Variants in ADAMTS17 observed in about 807,000 individuals in gnomAD.
ADAMTS17 encodes the protein A disintegrin and metalloproteinase with thrombospondin motifs 17.
A neutral mutation model predicts 141.5 loss-of-function variants in ADAMTS17; 113 were observed. That is an observed-to-expected ratio of 0.80 (90% CI 0.69 to 0.93). The LOEUF (loss-of-function observed/expected upper bound fraction) is 0.93. ADAMTS17 is among the 40% of genes least tolerant of loss of function. The probability of loss-of-function intolerance (pLI) is 0.00; values close to 1 mark genes in which losing one functional copy is unlikely to be tolerated. For missense variants in ADAMTS17, 1,659 were observed against 1,517.9 expected (o/e 1.09, Z -1.54); for synonymous variants, 768 against 630.6 (o/e 1.22, Z -3.27).
chr15:100,286,098 T>C (rs1375169472), intron 3 of ADAMTS17, among the ~76,000 whole-genome samples: 3 of 151,968 alleles, frequency 2.0e-5, no homozygotes, highest in African/African-American at 7.3e-5. Context: ...CAGACCAGCC[T>C]CCACCGACGC....
At position 100,332,651 on chromosome 15, in the gene ADAMTS17, G is replaced by A. The variant is rs148566608; in HGVS notation, c.451-1597C>T. On this transcript the variant is annotated intron_variant, in intron 2 of 21. Transcript: ENST00000268070. ...GCTGATACAAATTTTTAAAGACAGG[G>A]AGATCTCACCTTGGTGAGAAATCCT... Among the ~76,000 whole-genome samples, 273 of 152,358 alleles carry A rather than the reference G, an allele frequency of 1.8e-3. 2 individuals carry two copies. Among genetic ancestry groups the A allele is most frequent in the Middle Eastern group, 6.8e-3 (2 of 294 alleles).
chr15:100,280,510 C>T (rs1380266944), intron 4 of ADAMTS17, among the ~76,000 whole-genome samples: 1 of 152,178 alleles, frequency 6.6e-6, no homozygotes, highest in Non-Finnish European at 1.5e-5. Flanking sequence ...TGCTCCCCTC[C>T]CCTTCAGTGG....
At chr15:100,167,870 G>A (rs934911555) in intron 8 of ADAMTS17, among the ~76,000 whole-genome samples, 2 of 152,172 alleles carry the variant, frequency 1.3e-5, no homozygotes, top group African/African-American at 4.8e-5. Flanking sequence ...AAAGCACTGA[G>A]CTCTTTTGAA....
At chr15:100,237,642 G>T (rs2042700314) in intron 7 of ADAMTS17, among the ~76,000 whole-genome samples, 1 of 151,666 alleles carries the variant, frequency 6.6e-6, no homozygotes, top group Non-Finnish European at 1.5e-5. Context: ...TGTTTTTTTT[G>T]AGACAGAGTC....
At chr15:100,105,402 C>T (rs1165631965) in intron 14 of ADAMTS17, among the ~76,000 whole-genome samples, 1 of 152,164 alleles carries the variant, frequency 6.6e-6, no homozygotes, top group Middle Eastern at 3.2e-3. Flanking sequence ...ATGATGATGA[C>T]AATGGTGGAG....
At chr15:100,290,246 C>T (rs898478842) in intron 3 of ADAMTS17, among the ~76,000 whole-genome samples, 2 of 152,018 alleles carry the variant, frequency 1.3e-5, no homozygotes, top group African/African-American at 4.8e-5. Flanking sequence ...TCAATGCAAT[C>T]CCACTAACAA....
rs531167413 is a variant in ADAMTS17, at chr15:100,312,547, A to G, written c.616+18342T>C. Among the ~76,000 whole-genome samples the G allele has an allele frequency of 2.6e-5, 4 of 152,364 alleles. No homozygotes were observed. In the East Asian group the frequency reaches 5.8e-4, roughly 22 times the overall value. On this transcript the variant is annotated intron_variant, in intron 3 of 21. Coordinates refer to ENST00000268070, the MANE Select transcript of ADAMTS17 (RefSeq NM_139057.4). ...TTTGTGGTAATTTGTTAGAGCGGTA[A>G]TAAGAAAGTAATGCCTGAGTCTTGC...
intron 17 of ADAMTS17, among the ~76,000 whole-genome samples, chr15:100,050,366 C>T (rs1038405569): frequency 6.6e-6 from 1 of 152,160 alleles, no homozygotes; most frequent in African/African-American, 2.4e-5. Context: ...GATGTGTCAG[C>T]TGGATTTGGA....
At chr15:100,269,742 C>T (rs2043840154) in intron 4 of ADAMTS17, among the ~76,000 whole-genome samples, 1 of 152,172 alleles carries the variant, frequency 6.6e-6, no homozygotes, top group African/African-American at 2.4e-5. Context: ...GCATGACCAG[C>T]CCTCACTCCT....
chr15:100,029,893 G>C (rs2029962203), intron 18 of ADAMTS17, among the ~76,000 whole-genome samples: 2 of 152,208 alleles, frequency 1.3e-5, no homozygotes, highest in Non-Finnish European at 2.9e-5. Context: ...GCCCTAGCTA[G>C]AAATGTAAGT....
intron 14 of ADAMTS17, among the ~76,000 whole-genome samples, chr15:100,100,936 T>TC (rs1359881819): frequency 3.6e-5 from 5 of 139,850 alleles, no homozygotes; most frequent in Admixed American, 7.6e-5. Context: ...TTGTAAGCCC[T>TC]CCCCCGGAAT....
intron 12 of ADAMTS17, 62 bp downstream of exon 12, chr15:100,131,945 A>C: frequency 3.7e-6 from 6 of 1,609,404 alleles, no homozygotes; most frequent in Non-Finnish European, 4.3e-6. Context: ...TGAGGCAGCG[A>C]GAGCTGCTGT....
chr15:100,158,193 G>A (rs1176103893), intron 8 of ADAMTS17, among the ~76,000 whole-genome samples: 3 of 152,108 alleles, frequency 2.0e-5, no homozygotes, highest in African/African-American at 4.8e-5. Context: ...TGGTCACTTT[G>A]TTGAATAAAG....
At chr15:100,039,461 A>G (rs2031049960) in intron 18 of ADAMTS17, among the ~76,000 whole-genome samples, 1 of 152,158 alleles carries the variant, frequency 6.6e-6, no homozygotes, top group African/African-American at 2.4e-5. Context: ...ATTCATCTCA[A>G]AATATGATTT....
chr15:100,157,889 T>TC (rs2141386631), intron 8 of ADAMTS17, among the ~76,000 whole-genome samples: 1 of 104,106 alleles, frequency 9.6e-6, no homozygotes, highest in East Asian at 2.7e-4. Flanking sequence ...AGCTATATTC[T>TC]TTTTTTTTTT....
At chr15:100,130,608 G>A (rs568459315) in intron 12 of ADAMTS17, among the ~76,000 whole-genome samples, 1 of 152,204 alleles carries the variant, frequency 6.6e-6, no homozygotes, top group Middle Eastern at 3.4e-3. Context: ...TCCAATTCCT[G>A]GGCCCCACCC....
chr15:100,101,498 C>T (rs1032597726), intron 14 of ADAMTS17, among the ~76,000 whole-genome samples: 1 of 152,218 alleles, frequency 6.6e-6, no homozygotes, highest in Non-Finnish European at 1.5e-5. Flanking sequence ...GGAACCTCTT[C>T]TTGGTTGTTA....
chr15:100,213,168 T>C (rs1467526457), intron 7 of ADAMTS17, among the ~76,000 whole-genome samples: 3 of 152,118 alleles, frequency 2.0e-5, no homozygotes, highest in Non-Finnish European at 2.9e-5. Flanking sequence ...TGCAGGGCCT[T>C]TATTGTATCT....
intron 18 of ADAMTS17, among the ~76,000 whole-genome samples, chr15:100,019,043 C>T (rs1175036999): frequency 6.6e-6 from 1 of 152,166 alleles, no homozygotes; most frequent in Admixed American, 6.5e-5. Context: ...TTGTATAAAC[C>T]TCAAATGGCA....
Sources: gnomAD v4.1 joint callset for allele counts (sites outside exome capture counted in the v4.1 genomes callset) on GRCh38, gnomAD v4.1.1 for gene constraint, MANE v1.5 for transcripts, NCBI Gene and HGNC (gene_info 2026-07-23, HGNC 2026-07-21) for gene names.